The following DYNC2H1 variants were observed in gnomAD, a reference collection of about 807,000 sequenced individuals.
The protein encoded by DYNC2H1 is dynein cytoplasmic 2 heavy chain 1, also known as cytoplasmic dynein 2 heavy chain 1.
In DYNC2H1, 410 loss-of-function variants were observed where a neutral mutation model predicts 570.0. The ratio of observed to expected loss-of-function variants is 0.72; its 90% CI spans 0.66 to 0.78. DYNC2H1 has a LOEUF of 0.78. Among genes scored for constraint, DYNC2H1 ranks in the 30% least tolerant of loss-of-function variants. The probability of loss-of-function intolerance (pLI) is 0.00; values close to 1 mark genes in which losing one functional copy is unlikely to be tolerated. For missense variants in DYNC2H1, 4,865 were observed against 5,046.4 expected, an observed-to-expected ratio of 0.96 and a Z score of 1.09; for synonymous variants, 1,688 against 1,677.6, an observed-to-expected ratio of 1.01 and a Z score of -0.15.
At position 103,468,627 on chromosome 11, in the gene DYNC2H1, A is replaced by G; in HGVS notation, c.12687A>G (p.Gly4229=). Residue 4229 remains glycine, a synonymous_variant, in exon 88 of 89, where the codon GGA becomes GGG. Coordinates refer to ENST00000375735, the MANE Select transcript of DYNC2H1 (RefSeq NM_001377.3). ...GLLLEGCSFD[G]NQLSENQLDS... is the part of the protein sequence containing the mutation. ...TACTAGAAGGATGTAGTTTTGATGG[A>G]AATCAACTTTCTGAAAATCAGCTTG... 2.5e-6 allele frequency: 4 copies of G among 1,613,690 alleles called. No homozygotes were observed. The highest frequency in any genetic ancestry group is 3.4e-6 in the Non-Finnish European group (4 of 1,179,710).
intron 79 of DYNC2H1, among the ~76,000 whole-genome samples, chr11:103,312,561 AAAAAAC>A (rs1388728141): frequency 3.9e-5 from 4 of 102,554 alleles, no homozygotes; most frequent in African/African-American, 1.1e-4. Flanking sequence ...AAAAAAAAAA[AAAAAAC>A]CAATTGTAAT....
intron 84 of DYNC2H1, among the ~76,000 whole-genome samples, chr11:103,420,660 T>C (rs1292029348): frequency 1.3e-5 from 2 of 152,196 alleles, no homozygotes; most frequent in African/African-American, 4.8e-5. Flanking sequence ...TAAGATCCTT[T>C]TCAGACAAGT....
chr11:103,147,938 ATGTACTT>A, intron 19 of DYNC2H1, 51 bp downstream of exon 19: 1 of 1,225,860 alleles, frequency 8.2e-7, no homozygotes, highest in Non-Finnish European at 1.2e-6. Flanking sequence ...ATGTAGAAGC[ATGTACTT>A]TGATAGTTAT....
Position 103,303,208 on chromosome 11 carries a change from T to G in DYNC2H1, c.11211T>G (p.Leu3737=), listed in dbSNP as rs1867123935. 6.2e-7 allele frequency: 1 copy of G among 1,612,648 alleles called. No individual in the cohort carries two copies. Among genetic ancestry groups the G allele is most frequent in the Admixed American group, 1.7e-5 (1 of 59,930 alleles). ...CGGGTGCTGATCCTTCTCAGGAACT[T>G]CAAGAACTAGCTAATGCTGAAAGAA... The part of the protein sequence containing the change: ...ISPGADPSQE[L]QELANAERSG... The change falls in exon 76 of 89, where the codon CTT becomes CTG. Residue 3737 remains leucine, a synonymous_variant. Transcript: ENST00000375735.
chr11:103,296,099 A>G (rs528749464), intron 75 of DYNC2H1, among the ~76,000 whole-genome samples: 5 of 152,254 alleles, frequency 3.3e-5, no homozygotes. Flanking sequence ...GGTATAGGCA[A>G]TCCAAGACTG....
At chr11:103,208,903 A>G (rs1863040887) in intron 52 of DYNC2H1, among the ~76,000 whole-genome samples, 1 of 152,124 alleles carries the variant, frequency 6.6e-6, no homozygotes, top group African/African-American at 2.4e-5. Context: ...ACACTTTGCT[A>G]ATGTAGGATA....
intron 85 of DYNC2H1, among the ~76,000 whole-genome samples, chr11:103,438,842 A>G (rs975667655): frequency 3.3e-5 from 5 of 152,146 alleles, no homozygotes; most frequent in South Asian, 2.1e-4. Flanking sequence ...CATTTTATCA[A>G]TAAAAGTTCT....
chr11:103,390,521 T>A (rs1035860365), intron 83 of DYNC2H1, among the ~76,000 whole-genome samples: 1 of 152,188 alleles, frequency 6.6e-6, no homozygotes, highest in Non-Finnish European at 1.5e-5. Context: ...TTGTTATGTG[T>A]GAATTTGATC....
intron 81 of DYNC2H1, among the ~76,000 whole-genome samples, chr11:103,322,790 A>G (rs1436915668): frequency 6.6e-6 from 1 of 152,222 alleles, no homozygotes; most frequent in East Asian, 1.9e-4. Context: ...TTAGCTTTCT[A>G]ATTGAGTTAG....
At chr11:103,477,321 T>A (rs1208248661) in intron 88 of DYNC2H1, among the ~76,000 whole-genome samples, 1 of 152,208 alleles carries the variant, frequency 6.6e-6, no homozygotes, top group African/African-American at 2.4e-5. Flanking sequence ...TGTGGGCTTC[T>A]GAAGTGTCAC....
In DYNC2H1 at chr11:103,234,157, A is replaced by T. The variant is rs370353749; in HGVS notation, c.9564A>T (p.Ala3188=). The change falls in exon 61 of 89, where the codon GCA becomes GCT. Residue 3188 remains alanine, a synonymous_variant. Transcript: ENST00000375735. ...ACAGAGAACATAAGAGATGGAATGC[A>T]CAGGTTTGTTTGAGAGAGGGGCCAT... ...QLDREHKRWN[A]QVVEITEELA... is the part of the protein sequence containing the mutation. 3.2e-6 allele frequency: 5 copies of T among 1,584,824 alleles called. 1 individual carries two copies. In the South Asian group the frequency reaches 4.6e-5, roughly 15 times the overall value.
chr11:103,109,537 T>A lies in DYNC2H1; in HGVS notation c.-38T>A. On this transcript the variant is annotated 5_prime_UTR_variant, in exon 1 of 89. Transcript: ENST00000375735. ...TCCCTCCGGACTGGTTTCTTCTTCC[T>A]TCCCCCTTCCCCCAACTTCCCTCCA... is the stretch of plus-strand genomic sequence containing the variant. The A allele has an allele frequency of 1.3e-6, 2 of 1,588,984 alleles. No homozygotes were observed. Among genetic ancestry groups the A allele is most frequent in the Non-Finnish European group, 1.7e-6 (2 of 1,162,890 alleles).
intron 80 of DYNC2H1, among the ~76,000 whole-genome samples, chr11:103,317,133 G>A (rs1937895798): frequency 6.6e-6 from 1 of 152,130 alleles, no homozygotes; most frequent in African/African-American, 2.4e-5. Flanking sequence ...GCAGGGCGAA[G>A]GGAGGGGGAC....
rs1860824450 is a variant in DYNC2H1, at chr11:103,156,430, G to A, written c.3787G>A (p.Ala1263Thr). ...RAQGEVTIREALRELDLWGVG... is the reference protein window; with the variant it reads ...RAQGEVTIRETLRELDLWGVG... ...ACAAGGTGAAGTTACAATCAGAGAA[G>A]CTTTACGTGAACTTGATCTTTGGGG... Residue 1263 changes from alanine to threonine, a missense_variant, in exon 26 of 89, where the codon GCT becomes ACT. Coordinates refer to ENST00000375735, the MANE Select transcript of DYNC2H1 (RefSeq NM_001377.3). The A allele has an allele frequency of 6.2e-7, 1 of 1,613,680 alleles. No homozygotes were observed. Among genetic ancestry groups the A allele is most frequent in the African/African-American group, 1.3e-5 (1 of 75,028 alleles).
intron 75 of DYNC2H1, 120 bp from the exon 76 acceptor site, chr11:103,302,973 T>C (rs1867110825): frequency 1.5e-6 from 1 of 686,252 alleles, no homozygotes; most frequent in African/African-American, 1.9e-5. Flanking sequence ...AAAACTTTAA[T>C]GTATTATGAG....
At chr11:103,420,885 C>T (rs1451144769) in intron 84 of DYNC2H1, among the ~76,000 whole-genome samples, 1 of 152,148 alleles carries the variant, frequency 6.6e-6, no homozygotes, top group Non-Finnish European at 1.5e-5. Flanking sequence ...CAGTACTAAT[C>T]TTAAAAGGAA....
At chr11:103,428,299 A>G (rs1050590903) in intron 84 of DYNC2H1, among the ~76,000 whole-genome samples, 4 of 102,006 alleles carry the variant, frequency 3.9e-5, no homozygotes, top group Non-Finnish European at 5.7e-5. Context: ...TTTATTGCCC[A>G]CCTACCATGG....
Position 103,125,279 on chromosome 11 carries a change from C to A in DYNC2H1, c.1841C>A (p.Ala614Glu), listed in dbSNP as rs772702435. ...ANIAQKFCKQAIILKQVAHFY... is the reference protein window; with the variant it reads ...ANIAQKFCKQEIILKQVAHFY... ...ATTGCACAGAAATTCTGCAAGCAAG[C>A]AATTATTCTTAAACAAGTATGAAAT... Residue 614 changes from alanine to glutamate, a missense_variant, in exon 12 of 89, where the codon GCA (alanine) becomes GAA (glutamate). Around this residue, in one of 5 missense-constraint regions of DYNC2H1, gnomAD observed 1,936 missense variants for 1,962.1 expected, o/e 0.99. Transcript: ENST00000375735. The A allele has an allele frequency of 1.9e-6, 3 of 1,601,216 alleles. No individual in the cohort carries two copies. In the East Asian group the frequency reaches 6.8e-5, roughly 36 times the overall value.
chr11:103,214,723 G>A (rs1251022884), intron 54 of DYNC2H1, among the ~76,000 whole-genome samples: 1 of 151,472 alleles, frequency 6.6e-6, no homozygotes, highest in Non-Finnish European at 1.5e-5. Flanking sequence ...GATTAGAGGT[G>A]TGAGCCACTG....
Sources: allele counts gnomAD v4.1 joint callset (sites outside exome capture counted in the v4.1 genomes callset), GRCh38; gene constraint gnomAD v4.1.1; regional missense constraint gnomAD v4.1.1; transcripts MANE v1.5; gene names NCBI Gene and HGNC (gene_info 2026-07-23, HGNC 2026-07-21).